ZNF699: variants seen among roughly 807,000 people sequenced by gnomAD.
The protein encoded by ZNF699 is hangover homolog.
A neutral mutation model predicts 22.5 loss-of-function variants in ZNF699; 18 were observed. That is an observed-to-expected ratio of 0.80 (90% CI 0.55 to 1.19). ZNF699 has a LOEUF of 1.19. Among genes scored for constraint, ZNF699 ranks in the 50% most tolerant of loss-of-function variants. ZNF699 has a pLI of 0.00. For missense variants in ZNF699, 670 were observed against 763.4 expected, an observed-to-expected ratio of 0.88 and a Z score of 1.44; for synonymous variants, 241 against 262.3, an observed-to-expected ratio of 0.92 and a Z score of 0.78.
In ZNF699 at chr19:9,298,052, A is replaced by C. The variant is rs1046286639; in HGVS notation, c.176-62T>G. On this transcript the variant is annotated intron_variant, in intron 3 of 5. Coordinates refer to ENST00000591998, the MANE Select transcript of ZNF699 (RefSeq NM_198535.3). ...ATGAAGAATCACTAACATTTCCATG[A>C]AACAGAAACAAAACTTTAGTCTTCT... is the stretch of plus-strand genomic sequence containing the variant. The C allele has an allele frequency of 4.4e-6, 5 of 1,147,358 alleles. No individual in the cohort carries two copies. In the African/African-American group the frequency reaches 7.7e-5, roughly 18 times the overall value. 71.1% of individuals were successfully genotyped at this position (1,147,358 alleles called of 1,614,324 possible). A position where few individuals can be genotyped will look rare whatever the true frequency, so the allele number is the denominator to read the frequency against.
rs1327044814 is a variant in ZNF699 at position 9,305,101 on chromosome 19, T to G, written c.19A>C (p.Thr7Pro). The G allele has an allele frequency of 1.9e-6, 3 of 1,613,530 alleles. No individual in the cohort carries two copies. ...ATTCTATTTTTCTGTAACTCAGCAG[T>G]TTTTCTTTCTTCCTCCATGTCGCCT... MEEERKTAELQKNRIQD... is the reference protein window; with the variant it reads MEEERKPAELQKNRIQD... Residue 7 changes from threonine to proline, a missense_variant, in exon 2 of 6, where the codon ACT (threonine) becomes CCT (proline). By Grantham distance (38) the Thr-to-Pro change is conservative. Transcript: ENST00000591998.
At chr19:9,307,976 G>A (rs2066333714) in intron 1 of ZNF699, among the ~76,000 whole-genome samples, 1 of 150,378 alleles carries the variant, frequency 6.6e-6, no homozygotes, top group African/African-American at 2.4e-5. Context: ...GGTATTAATA[G>A]GCTAGACTAT....
Position 9,296,618 on chromosome 19 carries a change from A to G in ZNF699, c.786T>C (p.Cys262=). The change falls in exon 6 of 6, where the codon TGT becomes TGC. Residue 262 remains cysteine (C), a synonymous_variant. Coordinates refer to ENST00000591998, the MANE Select transcript of ZNF699 (RefSeq NM_198535.3). Reference sequence around the variant, plus strand: ...TCATATGTGCCCTAAAGAATGAGGAACAGCTGAAGGCTTTGGTACATTCCT... The same window carrying G: ...TCATATGTGCCCTAAAGAATGAGGAGCAGCTGAAGGCTTTGGTACATTCCT... The part of the protein sequence containing the change: ...ECKECTKAFS[C]SSFFRAHMKI... The G allele has an allele frequency of 1.2e-6, 2 of 1,614,168 alleles. No homozygotes were observed. The highest frequency in any genetic ancestry group is 8.5e-7 in the Non-Finnish European group (1 of 1,180,018).
At position 9,297,373 on chromosome 19, in the gene ZNF699, G is replaced by A. The variant is rs761488710; in HGVS notation, c.393C>T (p.Ser131=). 3 of 1,603,060 alleles carry A rather than the reference G, an allele frequency of 1.9e-6. No individual in the cohort carries two copies. Among genetic ancestry groups the A allele is most frequent in the South Asian group, 1.1e-5 (1 of 88,042 alleles). The change falls in exon 5 of 6, where the codon TCC becomes TCT. Residue 131 remains serine (S), a synonymous_variant. Coordinates refer to ENST00000591998, the MANE Select transcript of ZNF699 (RefSeq NM_198535.3). The surrounding 1 kb of genome is among the most constrained non-coding windows in gnomAD (Gnocchi z 4.3). ...QKIVRFKRND[S]WFSSLHENQE... is the part of the protein sequence containing the mutation. Reference sequence around the variant, plus strand: ...GGTTTTCATGTAAACTGGAGAACCAGGAATCATTCCTTTTGAATCTTACTA... The same window carrying A: ...GGTTTTCATGTAAACTGGAGAACCAAGAATCATTCCTTTTGAATCTTACTA...
intron 3 of ZNF699, among the ~76,000 whole-genome samples, chr19:9,299,748 T>G (rs556021386): frequency 3.3e-5 from 5 of 151,588 alleles, no homozygotes; most frequent in Non-Finnish European, 2.9e-5. Context: ...GAGAAAATAT[T>G]TGCAAAAAAC....
chr19:9,300,046 C>G (rs1599252153), intron 3 of ZNF699, among the ~76,000 whole-genome samples: 1 of 147,918 alleles, frequency 6.8e-6, no homozygotes, highest in East Asian at 1.9e-4. Context: ...TGAACATTCA[C>G]AACAACAAAT....
In ZNF699 at chr19:9,296,645, A is replaced by G; in HGVS notation, c.759T>C (p.Cys253=). The change falls in exon 6 of 6, where the codon TGT becomes TGC. Residue 253 remains cysteine (C), a synonymous_variant. Transcript: ENST00000591998. ...KTPTEEKPYE[C]KECTKAFSCS... is the part of the protein sequence containing the mutation. The stretch of plus-strand genomic sequence containing the variant: ...AGCTGAAGGCTTTGGTACATTCCTT[A>G]CATTCATAGGGCTTCTCTTCAGTGG... 6.2e-7 allele frequency: 1 copy of G among 1,614,128 alleles called. No homozygotes were observed. The highest frequency in any genetic ancestry group is 8.5e-7 in the Non-Finnish European group (1 of 1,180,024).
chr19:9,304,804 T>C (rs988008446), intron 2 of ZNF699, among the ~76,000 whole-genome samples: 1 of 151,196 alleles, frequency 6.6e-6, no homozygotes, highest in African/African-American at 2.4e-5. Context: ...ATGCCTGTAG[T>C]CCCAGCCACT....
rs568447702 is a variant in ZNF699, at chr19:9,305,209, C to G, written c.-5-85G>C. 1.2e-5 allele frequency: 13 copies of G among 1,112,010 alleles called. No homozygotes were observed. The African/African-American group carries it at 2.0e-4, about 17-fold the overall frequency. The allele number at this position is 1,112,010 out of a possible 1,614,324, so 68.9% of individuals were successfully genotyped here. A position where few individuals can be genotyped will look rare whatever the true frequency, so the allele number is the denominator to read the frequency against. On this transcript the variant is annotated intron_variant, in intron 1 of 5. Transcript: ENST00000591998. ...CAGACCTCCCCAAAATTCCCACACT[C>G]ATGAGCCTGGATGTTGCAGCCCATC...
chr19:9,293,139 A>G lies in ZNF699; in HGVS notation c.*2336T>C, dbSNP rs913974270. On this transcript the variant is annotated 3_prime_UTR_variant, in exon 6 of 6. Coordinates refer to ENST00000591998, the MANE Select transcript of ZNF699 (RefSeq NM_198535.3). Reference sequence around the variant, plus strand: ...ACAAGAGTCCGTCTCAAAAAAAAAAAAAAAGAAAAGAAATCATAAATGGAT... The same window carrying G: ...ACAAGAGTCCGTCTCAAAAAAAAAAGAAAAGAAAAGAAATCATAAATGGAT... 2.0e-5 allele frequency among the ~76,000 whole-genome samples: 3 copies of G among 151,954 alleles called. No individual in the cohort carries two copies. The highest frequency in any genetic ancestry group is 4.4e-5 in the Non-Finnish European group (3 of 67,988).
Position 9,294,663 on chromosome 19 carries a change from T to C in ZNF699, c.*812A>G, listed in dbSNP as rs1456481574. 1 of 152,212 alleles carries C rather than the reference T, an allele frequency of 6.6e-6. No individual in the cohort carries two copies. Among genetic ancestry groups the C allele is most frequent in the Non-Finnish European group, 1.5e-5 (1 of 68,050 alleles). 9.4% of individuals were successfully genotyped at this position (152,212 alleles called of 1,614,324 possible). On this transcript the variant is annotated 3_prime_UTR_variant, in exon 6 of 6. Transcript: ENST00000591998. ...GAGAAAAAAGTGATTCTGGGAAATG[T>C]AGTTAATGTAACACAATTTTTACAC...
chr19:9,302,886 C>T (rs1174238810), intron 2 of ZNF699, among the ~76,000 whole-genome samples: 3 of 151,866 alleles, frequency 2.0e-5, no homozygotes, highest in Non-Finnish European at 4.4e-5. Flanking sequence ...AATAGCTGGG[C>T]GTGGTGGCAT....
chr19:9,295,704 G>A lies in ZNF699; in HGVS notation c.1700C>T (p.Ala567Val). The A allele has an allele frequency of 6.2e-7, 1 of 1,614,132 alleles. No individual in the cohort carries two copies. The highest frequency in any genetic ancestry group is 1.3e-5 in the African/African-American group (1 of 75,014). Residue 567 changes from alanine to valine, a missense_variant, in exon 6 of 6, where the codon GCA becomes GTA. Coordinates refer to ENST00000591998, the MANE Select transcript of ZNF699 (RefSeq NM_198535.3). ...AGTAAGGTATGAAGAATGACGAAATGCTTTCCCACATTCCTTACATTCATA... is the reference window on the plus strand; with the variant it reads ...AGTAAGGTATGAAGAATGACGAAATACTTTCCCACATTCCTTACATTCATA... ...KPYECKECGK[A>V]FRHSSYLTVH...
intron 2 of ZNF699, among the ~76,000 whole-genome samples, chr19:9,303,542 C>A (rs73504749): frequency 0.043 from 6,475 of 152,276 alleles, 377 homozygotes; most frequent in African/African-American, 0.14. Flanking sequence ...TCCTGGCATG[C>A]CACCCTCCGG....
At chr19:9,308,314 A>G (rs2066334941) in intron 1 of ZNF699, among the ~76,000 whole-genome samples, 1 of 152,070 alleles carries the variant, frequency 6.6e-6, no homozygotes, top group African/African-American at 2.4e-5. Context: ...CAGGGCATAA[A>G]CAACAACAAC....
intron 2 of ZNF699, among the ~76,000 whole-genome samples, chr19:9,303,889 C>T (rs1237981614): frequency 6.6e-6 from 1 of 151,588 alleles, no homozygotes; most frequent in Non-Finnish European, 1.5e-5. Context: ...GCGATCTCGG[C>T]TCATTGCAAC....
At chr19:9,303,315 A>C in intron 2 of ZNF699, among the ~76,000 whole-genome samples, 1 of 152,190 alleles carries the variant, frequency 6.6e-6, no homozygotes, top group Non-Finnish European at 1.5e-5. Flanking sequence ...TCCCAAGTTA[A>C]AAGGCTGTCA....
In ZNF699 at chr19:9,296,814, C is replaced by T. The variant is rs896485573; in HGVS notation, c.590G>A (p.Cys197Tyr). 3 of 1,614,040 alleles carry T rather than the reference C, an allele frequency of 1.9e-6. No homozygotes were observed. The African/African-American group carries it at 4.0e-5, about 22-fold the overall frequency. The part of the protein sequence containing the change: ...KRNTEVKSCE[C>Y]HECGKAFVDH... ...CACGAAGGCCTTTCCACACTCATGGCATTCACAGGATTTTACTTCAGTATT... is the reference window on the plus strand; with the variant it reads ...CACGAAGGCCTTTCCACACTCATGGTATTCACAGGATTTTACTTCAGTATT... The change falls in exon 6 of 6, where the codon TGC (cysteine) becomes TAC (tyrosine). Residue 197 changes from cysteine to tyrosine, a missense_variant. Coordinates refer to ENST00000591998, the MANE Select transcript of ZNF699 (RefSeq NM_198535.3).
Position 9,295,613 on chromosome 19 carries a change from A to C in ZNF699, c.1791T>G (p.Ser597Arg), listed in dbSNP as rs1367388102. ...CATGCCTTCGAAAGGATGAGGGACAACTGAAAGCTTTTCCACATTCCAGAC... is the reference window on the plus strand; with the variant it reads ...CATGCCTTCGAAAGGATGAGGGACACCTGAAAGCTTTTCCACATTCCAGAC... ...FECLECGKAF[S>R]CPSSFRRHVR... The change falls in exon 6 of 6, where the codon AGT becomes AGG. Residue 597 changes from serine to arginine, a missense_variant. Coordinates refer to ENST00000591998, the MANE Select transcript of ZNF699 (RefSeq NM_198535.3). The C allele has an allele frequency of 2.5e-6, 4 of 1,613,872 alleles. No homozygotes were observed. The highest frequency in any genetic ancestry group is 3.4e-6 in the Non-Finnish European group (4 of 1,179,990).
Sources: gnomAD v4.1 joint callset for allele counts (sites outside exome capture counted in the v4.1 genomes callset) on GRCh38, gnomAD v4.1.1 for gene constraint, Gnocchi (gnomAD v3.1) non-coding constraint, MANE v1.5 for transcripts, NCBI Gene and HGNC (gene_info 2026-07-23, HGNC 2026-07-21) for gene names.